The following GPM6A variants were observed in gnomAD, a reference collection of about 807,000 sequenced individuals.
The protein encoded by GPM6A is neuronal membrane glycoprotein M6-a.
In GPM6A, 7 loss-of-function variants were observed where a neutral mutation model predicts 32.1. The observed-to-expected ratio is 0.22, with a 90% CI of 0.12 to 0.41. The LOEUF (loss-of-function observed/expected upper bound fraction) is 0.41. GPM6A is among the 10% of genes least tolerant of loss of function. The pLI is 1.00. For synonymous variants in GPM6A, 130 were observed against 123.4 expected (o/e 1.05, Z -0.35); for missense variants, 235 against 347.2 (o/e 0.68, Z 2.57).
chr4:175,661,878 A>G (rs1742439472), intron 3 of GPM6A, among the ~76,000 whole-genome samples: 2 of 152,046 alleles, frequency 1.3e-5, no homozygotes, highest in South Asian at 4.1e-4. Context: ...CATATATCAT[A>G]TACGTGTGTC....
intron 1 of GPM6A, among the ~76,000 whole-genome samples, chr4:175,776,681 G>T (rs1733409667): frequency 1.3e-5 from 2 of 152,094 alleles, no homozygotes; most frequent in Admixed American, 1.3e-4. Context: ...TCCTAGCGAC[G>T]TTTTAATGTC....
At chr4:175,759,849 A>G in intron 1 of GPM6A, among the ~76,000 whole-genome samples, 1 of 152,186 alleles carries the variant, frequency 6.6e-6, no homozygotes, top group East Asian at 1.9e-4. Context: ...TATCTTTTAT[A>G]GACTATTACC....
intron 4 of GPM6A, among the ~76,000 whole-genome samples, chr4:175,651,389 A>G (rs1371380066): frequency 6.6e-6 from 1 of 151,998 alleles, no homozygotes; most frequent in Non-Finnish European, 1.5e-5. Context: ...TATTATTATT[A>G]AATGCTAATT....
chr4:175,762,622 T>C (rs993826044), intron 1 of GPM6A, among the ~76,000 whole-genome samples: 27 of 152,148 alleles, frequency 1.8e-4, no homozygotes, highest in Non-Finnish European at 7.3e-5. Context: ...TATTCATGAA[T>C]GTTATAAAAA....
chr4:175,737,698 A>G (rs867062557), intron 1 of GPM6A, among the ~76,000 whole-genome samples: 13 of 152,202 alleles, frequency 8.5e-5, no homozygotes, highest in African/African-American at 2.9e-4. Flanking sequence ...CAAGCATGGT[A>G]CCAGAATCTT....
chr4:175,992,266 T>C (rs1741173963), intron 1 of GPM6A, among the ~76,000 whole-genome samples: 2 of 152,150 alleles, frequency 1.3e-5, no homozygotes, highest in African/African-American at 4.8e-5. Flanking sequence ...CCTGGTAATA[T>C]TGTATATTTG....
intron 1 of GPM6A, among the ~76,000 whole-genome samples, chr4:175,751,387 T>TAAGAA (rs1732330077): frequency 6.6e-6 from 1 of 152,200 alleles, no homozygotes; most frequent in Non-Finnish European, 1.5e-5. Context: ...GGCAACTTAT[T>TAAGAA]TTCCCAAGGA....
At chr4:175,670,822 T>C (rs115259755) in intron 3 of GPM6A, among the ~76,000 whole-genome samples, 2,508 of 151,966 alleles carry the variant, frequency 0.017, 34 homozygotes, top group Middle Eastern at 0.031. Flanking sequence ...AAAGGGAATA[T>C]TGATTATCAC....
At chr4:175,967,809 A>G (rs1410329930) in intron 1 of GPM6A, among the ~76,000 whole-genome samples, 1 of 152,204 alleles carries the variant, frequency 6.6e-6, no homozygotes, top group Non-Finnish European at 1.5e-5. Flanking sequence ...CATGGATAGA[A>G]AGAGTCAATA....
chr4:175,904,577 C>CTTGGCACT (rs1738071015), intron 1 of GPM6A, among the ~76,000 whole-genome samples: 1 of 152,104 alleles, frequency 6.6e-6, no homozygotes, highest in African/African-American at 2.4e-5. Flanking sequence ...ACTACCACCA[C>CTTGGCACT]TTGGCACTCA....
chr4:175,827,421 G>A (rs1027411), intron 1 of GPM6A, among the ~76,000 whole-genome samples: 146,373 of 152,260 alleles, frequency 0.96, 70,631 homozygotes, highest in East Asian at 1. Context: ...TCCCCACTTC[G>A]CAGCTAAAGA....
intron 1 of GPM6A, among the ~76,000 whole-genome samples, chr4:175,898,163 A>T (rs1226311600): frequency 1.3e-5 from 2 of 152,086 alleles, no homozygotes; most frequent in Admixed American, 1.3e-4. Context: ...CTCCATACCA[A>T]TCCTGTCTTC....
chr4:175,934,668 AAG>A (rs1232036493), intron 1 of GPM6A, among the ~76,000 whole-genome samples: 3 of 152,230 alleles, frequency 2.0e-5, no homozygotes, highest in African/African-American at 7.2e-5. Flanking sequence ...AAATATAAAA[AAG>A]AAATTAACTT....
intron 1 of GPM6A, among the ~76,000 whole-genome samples, chr4:175,893,951 C>A (rs1196834870): frequency 1.2e-4 from 18 of 152,066 alleles, no homozygotes; most frequent in Admixed American, 1.2e-3. Context: ...GAGCTGCACA[C>A]CTCACATTCT....
At chr4:175,806,463 T>A (rs997130020) in intron 1 of GPM6A, among the ~76,000 whole-genome samples, 5 of 152,352 alleles carry the variant, frequency 3.3e-5, no homozygotes, top group Admixed American at 3.3e-4. Flanking sequence ...ATTCATATCC[T>A]TCATCTGAAC....
intron 2 of GPM6A, among the ~76,000 whole-genome samples, chr4:175,676,099 T>G (rs900567219): frequency 1.3e-5 from 2 of 152,178 alleles, no homozygotes; most frequent in African/African-American, 2.4e-5. Flanking sequence ...TGCTTCTCAC[T>G]GCACTTCTCT....
chr4:176,002,257 T>C lies in GPM6A; in HGVS notation c.-23+52A>G, dbSNP rs569500538. The C allele has an allele frequency of 5.0e-5, 79 of 1,576,524 alleles. No individual in the cohort carries two copies. In the African/African-American group the frequency reaches 9.7e-4, roughly 19 times the overall value. On this transcript the variant is annotated intron_variant, in intron 1 of 7. Transcript: ENST00000280187. Reference sequence around the variant, plus strand: ...ATTCATTTTCTTTCTATAATGCCCATTCCCGAGGCCGAGCCTTTGGGCGAG... The same window carrying C: ...ATTCATTTTCTTTCTATAATGCCCACTCCCGAGGCCGAGCCTTTGGGCGAG...
intron 1 of GPM6A, among the ~76,000 whole-genome samples, chr4:175,975,147 G>T (rs1579678914): frequency 6.6e-6 from 1 of 152,208 alleles, no homozygotes; most frequent in South Asian, 2.1e-4. Context: ...GCTCTGAGCA[G>T]CAGCCTCTCT....
chr4:175,832,523 CG>C (rs1266268111), intron 1 of GPM6A, among the ~76,000 whole-genome samples: 2 of 13,092 alleles, frequency 1.5e-4, no homozygotes, highest in Non-Finnish European at 3.2e-3. Flanking sequence ...ATGAAGTAAA[CG>C]TTATCTACCC....
Sources: gnomAD v4.1 joint callset for allele counts (sites outside exome capture counted in the v4.1 genomes callset) on GRCh38, gnomAD v4.1.1 for gene constraint, MANE v1.5 for transcripts, NCBI Gene and HGNC (gene_info 2026-07-23, HGNC 2026-07-21) for gene names.